Variants in PPP2R2C observed in about 807,000 individuals in gnomAD.
PPP2R2C encodes protein phosphatase 2 regulatory subunit Bgamma.
In PPP2R2C, 10 loss-of-function variants were observed where a neutral mutation model predicts 45.3. That is an observed-to-expected ratio of 0.22 (90% CI 0.14 to 0.37). The LOEUF (loss-of-function observed/expected upper bound fraction) is 0.37, where lower values mean the gene tolerates loss of function less well. PPP2R2C is among the 10% of genes least tolerant of loss of function. PPP2R2C has a pLI of 1.00. For synonymous variants in PPP2R2C, 257 were observed against 245.4 expected (o/e 1.05, Z -0.44); for missense variants, 308 against 619.7 (o/e 0.50, Z 5.34).
chr4:6,510,644 C>G (rs750227417), intron 2 of PPP2R2C, among the ~76,000 whole-genome samples: 8 of 152,120 alleles, frequency 5.3e-5, no homozygotes, highest in Non-Finnish European at 8.8e-5. Flanking sequence ...AACGCCCAGC[C>G]CCTGGAAATG....
At chr4:6,534,043 C>T (rs1046735395) in intron 2 of PPP2R2C, among the ~76,000 whole-genome samples, 1 of 151,408 alleles carries the variant, frequency 6.6e-6, no homozygotes, top group Non-Finnish European at 1.5e-5. Context: ...TCAACAAGCA[C>T]ACACCAACAC....
At chr4:6,527,540 A>ACTCCTCAACACCATGAGAACACAGCCCCC (rs1724254813) in intron 2 of PPP2R2C, among the ~76,000 whole-genome samples, 1 of 151,764 alleles carries the variant, frequency 6.6e-6, no homozygotes, top group Admixed American at 6.6e-5. Flanking sequence ...ACACAGCCCC[A>ACTCCTCAACACCATGAGAACACAGCCCCC]CTCCTCAACA....
intron 5 of PPP2R2C, among the ~76,000 whole-genome samples, chr4:6,359,313 G>A (rs1713518059): frequency 6.6e-6 from 1 of 152,186 alleles, no homozygotes; most frequent in African/African-American, 2.4e-5. Context: ...CTCGGACACA[G>A]GGCGGGGAAC....
At chr4:6,500,145 T>TTATA (rs1723003335) in intron 2 of PPP2R2C, among the ~76,000 whole-genome samples, 1 of 152,128 alleles carries the variant, frequency 6.6e-6, no homozygotes. Flanking sequence ...AGAAGGTATT[T>TTATA]TATTTATTTA....
chr4:6,383,399 C>A lies in PPP2R2C; in HGVS notation c.71-2305G>T, dbSNP rs192355822. 469 of 1,289,704 alleles carry A rather than the reference C, an allele frequency of 3.6e-4. 3 individuals are homozygous for A. In the African/African-American group the frequency reaches 6.5e-3, roughly 18 times the overall value. The allele number at this position is 1,289,704 out of a possible 1,614,324, so 79.9% of individuals were successfully genotyped here. A position where few individuals can be genotyped will look rare whatever the true frequency, so the allele number is the denominator to read the frequency against. ...CGTGTTTTTAACTCAGCAAAAGGTA[C>A]CTCCTCCCCTTCCCCAGCCTCATCT... On this transcript the variant is annotated intron_variant, in intron 1 of 8. Coordinates refer to ENST00000382599, the MANE Select transcript of PPP2R2C (RefSeq NM_020416.4).
At chr4:6,487,222 T>G (rs1722558105) in intron 2 of PPP2R2C, among the ~76,000 whole-genome samples, 2 of 152,064 alleles carry the variant, frequency 1.3e-5, no homozygotes, top group African/African-American at 4.8e-5. Flanking sequence ...TATTATTTTG[T>G]GTCAAGAGCC....
At chr4:6,454,262 A>G (rs751516404) in intron 1 of PPP2R2C, among the ~76,000 whole-genome samples, 2 of 152,064 alleles carry the variant, frequency 1.3e-5, no homozygotes, top group African/African-American at 4.8e-5. Flanking sequence ...CTTTTCTACC[A>G]TGTAACCTGG....
In PPP2R2C at chr4:6,452,053, ACC is replaced by A. The variant is rs528735014; in HGVS notation, c.70+20105_70+20106del. On this transcript the variant is annotated intron_variant, in intron 1 of 8. Coordinates refer to ENST00000382599, the MANE Select transcript of PPP2R2C (RefSeq NM_020416.4). ...TTCTCCCAAACCCACAAATCACAGC[ACC>A]CCTCCTCTGCCCCAGAGTGGCCTGT... Among the ~76,000 whole-genome samples the A allele has an allele frequency of 1.5e-4, 23 of 150,908 alleles. 1 individual carries two copies. In the South Asian group the frequency reaches 4.9e-3, roughly 32 times the overall value.
chr4:6,378,289 T>C lies in PPP2R2C; in HGVS notation c.334+118A>G. On this transcript the variant is annotated intron_variant, in intron 3 of 8. Transcript: ENST00000382599. The surrounding 1 kb of genome is among the most constrained non-coding windows in gnomAD (Gnocchi z 5.2). ...ATATGCTGCTCAAAAAGGATATTAT[T>C]TTCTAGGCGTTCTGAAGACATAGAA... is the stretch of plus-strand genomic sequence containing the variant. 1 of 1,544,498 alleles carries C rather than the reference T, an allele frequency of 6.5e-7. No individual in the cohort carries two copies. Among genetic ancestry groups the C allele is most frequent in the Non-Finnish European group, 8.7e-7 (1 of 1,149,954 alleles).
chr4:6,560,071 G>T (rs1168354294), intron 1 of PPP2R2C, among the ~76,000 whole-genome samples: 1 of 152,236 alleles, frequency 6.6e-6, no homozygotes, highest in South Asian at 2.1e-4. Flanking sequence ...AACCACAGGG[G>T]AAGCCCACCA....
At chr4:6,549,494 A>G (rs1431660244) in intron 1 of PPP2R2C, among the ~76,000 whole-genome samples, 9 of 152,182 alleles carry the variant, frequency 5.9e-5, no homozygotes, top group African/African-American at 1.9e-4. Context: ...ACAGAAGGTG[A>G]GGCCCTCAGG....
At chr4:6,463,881 C>T (rs1721458650) in intron 1 of PPP2R2C, among the ~76,000 whole-genome samples, 1 of 152,220 alleles carries the variant, frequency 6.6e-6, no homozygotes, top group African/African-American at 2.4e-5. Flanking sequence ...CATCGCAACA[C>T]AGATAGCAAG....
At position 6,332,035 on chromosome 4, in the gene PPP2R2C, C is replaced by A. The variant is rs1234127808; in HGVS notation, c.960+1527G>T. On this transcript the variant is annotated intron_variant, in intron 7 of 8. Coordinates refer to ENST00000382599, the MANE Select transcript of PPP2R2C (RefSeq NM_020416.4). This position sits in a 1 kb window ranked among gnomAD's most constrained non-coding sequence, Gnocchi z 4.9. ...CAGCTTACGGCCTCACGCTCCAGAACAGTCATTCCCCTCCTTCGTGGGGTC... is the reference window on the plus strand; with the variant it reads ...CAGCTTACGGCCTCACGCTCCAGAAAAGTCATTCCCCTCCTTCGTGGGGTC... Among the ~76,000 whole-genome samples the A allele has an allele frequency of 2.6e-5, 4 of 152,218 alleles. No individual in the cohort carries two copies. Among genetic ancestry groups the A allele is most frequent in the African/African-American group, 9.7e-5 (4 of 41,446 alleles).
chr4:6,336,526 G>A (rs923499595), intron 6 of PPP2R2C, among the ~76,000 whole-genome samples: 10 of 151,948 alleles, frequency 6.6e-5, no homozygotes, highest in Non-Finnish European at 1.3e-4. Flanking sequence ...GGAGGGGGTT[G>A]CAGCCAGGCC....
chr4:6,558,468 G>A lies in PPP2R2C; in HGVS notation c.-59+5092C>T, dbSNP rs138292575. Among the ~76,000 whole-genome samples the A allele has an allele frequency of 3.7e-3, 562 of 152,278 alleles. 5 individuals carry two copies. Among genetic ancestry groups the A allele is most frequent in the African/African-American group, 0.013 (533 of 41,560 alleles). On this transcript the variant is annotated intron_variant, in intron 1 of 9. Coordinates refer to the PPP2R2C transcript ENST00000506140. ...CCTGCAGGTGTGTGAGCCTTTACCT[G>A]CCACCTCTGGCTGCCTCCTAACAAG...
At chr4:6,447,516 T>TCCCCAC (rs1378200125) in intron 1 of PPP2R2C, among the ~76,000 whole-genome samples, 4 of 144,426 alleles carry the variant, frequency 2.8e-5, no homozygotes, top group African/African-American at 7.6e-5. Context: ...GTCTCCTAGC[T>TCCCCAC]CCCCACCCCC....
At chr4:6,448,121 G>A (rs1054128786) in intron 1 of PPP2R2C, among the ~76,000 whole-genome samples, 2 of 152,170 alleles carry the variant, frequency 1.3e-5, no homozygotes, top group African/African-American at 4.8e-5. Context: ...ACCTGAGGGC[G>A]AGAAGAAAGA....
chr4:6,524,533 G>C (rs1724133155), intron 2 of PPP2R2C, among the ~76,000 whole-genome samples: 1 of 152,248 alleles, frequency 6.6e-6, no homozygotes, highest in Admixed American at 6.5e-5. Flanking sequence ...TGATCAGGCA[G>C]CATTTATGGA....
rs563547958 is a variant in PPP2R2C, at chr4:6,552,677, T to C, written c.-59+10883A>G. 9.8e-5 allele frequency among the ~76,000 whole-genome samples: 15 copies of C among 152,288 alleles called. No homozygotes were observed. The South Asian group carries it at 3.1e-3, about 32-fold the overall frequency. On this transcript the variant is annotated intron_variant, in intron 1 of 9. Transcript: ENST00000506140. Reference sequence around the variant, plus strand: ...GGTCAACCTCCCCAACTCAAGAGCCTTAACTTAATCTCATCTGCAAACTTC... The same window carrying C: ...GGTCAACCTCCCCAACTCAAGAGCCCTAACTTAATCTCATCTGCAAACTTC...
Sources: allele counts gnomAD v4.1 joint callset (sites outside exome capture counted in the v4.1 genomes callset), GRCh38; gene constraint gnomAD v4.1.1; non-coding constraint Gnocchi (gnomAD v3.1); transcripts MANE v1.5; gene names NCBI Gene and HGNC (gene_info 2026-07-23, HGNC 2026-07-21).